AGMAT: variants seen among roughly 807,000 people sequenced by gnomAD.
The protein encoded by AGMAT is guanidino acid hydrolase, mitochondrial.
AGMAT carries 37 observed loss-of-function variants against 29.3 expected under a neutral mutation model. The ratio of observed to expected loss-of-function variants is 1.26; its 90% CI spans 0.97 to 1.66. The LOEUF (loss-of-function observed/expected upper bound fraction) is 1.66, where lower values mean the gene tolerates loss of function less well. Ranked by LOEUF, AGMAT falls within the 40% of genes most tolerant of loss-of-function variation. AGMAT has a pLI of 0.00. For synonymous variants in AGMAT, 199 were observed against 200.8 expected (o/e 0.99, Z 0.08); for missense variants, 498 against 497.8 (o/e 1.00, Z 0.00).
At chr1:15,575,706 G>C (rs1212180467) in intron 5 of AGMAT, 1 of 151,802 alleles carries the variant, frequency 6.6e-6, no homozygotes, top group African/African-American at 2.4e-5. Context: ...TACCTTGGCA[G>C]GTAATTGTGC....
At position 15,583,175 on chromosome 1, in the gene AGMAT, C is replaced by G; in HGVS notation, c.475+18G>C. The G allele has an allele frequency of 6.2e-7, 1 of 1,613,276 alleles. No individual in the cohort carries two copies. The highest frequency in any genetic ancestry group is 8.5e-7 in the Non-Finnish European group (1 of 1,179,620). On this transcript the variant is annotated intron_variant, in intron 2 of 6. Coordinates refer to ENST00000375826, the MANE Select transcript of AGMAT (RefSeq NM_024758.5). Reference sequence around the variant, plus strand: ...CTGAGTGCAGGGAACTACTCTGGCTCTTGCAGACTGACATTACCCAAGGTC... The same window carrying G: ...CTGAGTGCAGGGAACTACTCTGGCTGTTGCAGACTGACATTACCCAAGGTC...
intron 1 of AGMAT, 136 bp from the exon 2 acceptor site, chr1:15,583,531 A>T (rs1239378671): frequency 2.3e-6 from 2 of 851,382 alleles, no homozygotes; most frequent in African/African-American, 1.7e-5. Context: ...AATGCTTAGC[A>T]GCATCCCGGC....
In AGMAT at chr1:15,573,601, T is replaced by C. The variant is rs1638990839; in HGVS notation, c.*50A>G. ...CAGACTGCTTACTCATAAGTTCTTC[T>C]TGAGAACTTGTCAGCGACGCAATCT... On this transcript the variant is annotated 3_prime_UTR_variant, in exon 7 of 7. Coordinates refer to ENST00000375826, the MANE Select transcript of AGMAT (RefSeq NM_024758.5). 1 of 1,553,998 alleles carries C rather than the reference T, an allele frequency of 6.4e-7. No individual in the cohort carries two copies. Among genetic ancestry groups the C allele is most frequent in the Non-Finnish European group, 8.9e-7 (1 of 1,125,480 alleles).
At chr1:15,574,873 T>C in intron 5 of AGMAT, 32 bp from the exon 6 acceptor site, 1 of 1,573,092 alleles carries the variant, frequency 6.4e-7, no homozygotes, top group Non-Finnish European at 8.7e-7. Context: ...TTGTCCACAG[T>C]GGTAATCATT....
Position 15,584,957 on chromosome 1 carries a change from A to C in AGMAT, c.11T>G (p.Leu4Arg), listed in dbSNP as rs569552728. 2.2e-4 allele frequency: 292 copies of C among 1,349,420 alleles called. 1 individual carries two copies. The Middle Eastern group carries it at 4.7e-3, about 22-fold the overall frequency. 83.6% of individuals were successfully genotyped at this position (1,349,420 alleles called of 1,614,324 possible). A position where few individuals can be genotyped will look rare whatever the true frequency, so the allele number is the denominator to read the frequency against. MLR[L>R]LASGCARGPG... ...GCCCCGGGCGCACCCGGACGCCAGC[A>C]GCCTCAGCATTGCCGCGCGCGGCCA... is the stretch of plus-strand genomic sequence containing the variant. The change falls in exon 1 of 7, where the codon CTG becomes CGG. Residue 4 changes from leucine to arginine, a missense_variant. Physicochemically the swap from Leu to Arg is moderately radical, Grantham distance 102 (BLOSUM62 -2). Coordinates refer to ENST00000375826, the MANE Select transcript of AGMAT (RefSeq NM_024758.5).
In AGMAT at chr1:15,584,732, G is replaced by T; in HGVS notation, c.236C>A (p.Pro79His). 7.4e-7 allele frequency: 1 copy of T among 1,346,270 alleles called. No individual in the cohort carries two copies. The allele number at this position is 1,346,270 out of a possible 1,614,324, so 83.4% of individuals were successfully genotyped here. A position where few individuals can be genotyped will look rare whatever the true frequency, so the allele number is the denominator to read the frequency against. ...EGLDAAFIGV[P>H]LDTGTSNRPG... ...CCGGTTGGAGGTCCCAGTATCCAGG[G>T]GCACCCCGATGAAGGCAGCGTCCAG... The change falls in exon 1 of 7, where the codon CCC becomes CAC. Residue 79 changes from proline (P) to histidine (H), a missense_variant. Physicochemically the swap from Pro to His is moderately conservative, Grantham distance 77. Transcript: ENST00000375826.
chr1:15,575,341 AG>A (rs1203156584), intron 5 of AGMAT: 1 of 153,846 alleles, frequency 6.5e-6, no homozygotes, highest in African/African-American at 2.4e-5. Context: ...GCAGGTGAAA[AG>A]CCCAGAAGGT....
In AGMAT at chr1:15,573,848, C is replaced by T. The variant is rs576036990; in HGVS notation, c.986-124G>A. 25 of 748,382 alleles carry T rather than the reference C, an allele frequency of 3.3e-5. No individual in the cohort carries two copies. In the South Asian group the frequency reaches 4.2e-4, roughly 13 times the overall value. 46.4% of individuals were successfully genotyped at this position (748,382 alleles called of 1,614,324 possible). ...CCAGAGCCCTGTCTTGTGCACCCCT[C>T]TAGGGTGCCCGCCAGCTGTGAACAC... On this transcript the variant is annotated intron_variant, in intron 6 of 6. Transcript: ENST00000375826.
intron 5 of AGMAT, chr1:15,575,943 G>T (rs1247587708): frequency 6.6e-6 from 1 of 151,922 alleles, no homozygotes; most frequent in Admixed American, 6.6e-5. Flanking sequence ...TTTTAGTAAA[G>T]ATGGGATCTC....
chr1:15,584,897 C>A lies in AGMAT; in HGVS notation c.71G>T (p.Gly24Val). The A allele has an allele frequency of 7.2e-7, 1 of 1,397,774 alleles. No individual in the cohort carries two copies. The highest frequency in any genetic ancestry group is 9.2e-7 in the Non-Finnish European group (1 of 1,083,798). The allele number at this position is 1,397,774 out of a possible 1,614,324, so 86.6% of individuals were successfully genotyped here. A position where few individuals can be genotyped will look rare whatever the true frequency, so the allele number is the denominator to read the frequency against. The change falls in exon 1 of 7, where the codon GGG becomes GTG. Residue 24 changes from glycine to valine, a missense_variant. By Grantham distance (109) the Gly-to-Val change is moderately radical. Transcript: ENST00000375826. ...GPGVGARPAA[G>V]LFHPGRRQSR... ...CTGGCGGCGCCCCGGATGAAAGAGC[C>A]CTGCGGCAGGACGCGCGCCCACGCC...
chr1:15,582,815 T>C (rs995990960), intron 2 of AGMAT, among the ~76,000 whole-genome samples: 1 of 152,146 alleles, frequency 6.6e-6, no homozygotes, highest in Non-Finnish European at 1.5e-5. Context: ...CTGGCCAACA[T>C]GGCAAAACCC....
rs561432690 is a variant in AGMAT, at chr1:15,576,584, C to T, written c.900+1101G>A. On this transcript the variant is annotated intron_variant, in intron 5 of 6. Transcript: ENST00000375826. ...AGCTGGGATTACAGACGCCTGCCAC[C>T]GTGCCGGGCTGATTTTTGTACTTTT... Among the ~76,000 whole-genome samples the T allele has an allele frequency of 3.3e-5, 5 of 151,610 alleles. No homozygotes were observed. The South Asian group carries it at 6.2e-4, about 19-fold the overall frequency.
rs575735368 is a variant in AGMAT at position 15,576,820 on chromosome 1, G to A, written c.900+865C>T. ...GCCAGACTGCAGTGGTTCTATCTCGGCTCACTGCAAGCTCTGCCTCCCGGG... is the reference window on the plus strand; with the variant it reads ...GCCAGACTGCAGTGGTTCTATCTCGACTCACTGCAAGCTCTGCCTCCCGGG... On this transcript the variant is annotated intron_variant, in intron 5 of 6. Coordinates refer to ENST00000375826, the MANE Select transcript of AGMAT (RefSeq NM_024758.5). Among the ~76,000 whole-genome samples, 987 of 135,810 alleles carry A rather than the reference G, an allele frequency of 7.3e-3. 5 individuals carry two copies. Among genetic ancestry groups the A allele is most frequent in the Non-Finnish European group, 0.012 (782 of 65,562 alleles). The allele number at this position is 135,810 out of a possible 152,430, so 89.1% of individuals were successfully genotyped here.
In AGMAT at chr1:15,577,829, C is replaced by T. The variant is rs1263607719; in HGVS notation, c.756G>A (p.Met252Ile). The change falls in exon 5 of 7, where the codon ATG (methionine) becomes ATA (isoleucine). Residue 252 changes from methionine (M) to isoleucine (I), a missense_variant. By Grantham distance (10) the Met-to-Ile change is conservative (BLOSUM62 1). Transcript: ENST00000375826. ...CCCCCATCAGAGGAACCAGCGACTT[C>T]ATCCAGCAGTCTTCAGCCAGGACTA... Reference protein sequence around the residue: ...FRVVLAEDCWMKSLVPLMGEV... With the variant: ...FRVVLAEDCWIKSLVPLMGEV... The T allele has an allele frequency of 1.2e-6, 2 of 1,614,216 alleles. No homozygotes were observed. Among genetic ancestry groups the T allele is most frequent in the Non-Finnish European group, 1.7e-6 (2 of 1,180,036 alleles).
rs1244453984 is a variant in AGMAT at position 15,573,671 on chromosome 1, G to A, written c.1039C>T (p.Pro347Ser). ...NLLFEMLCAL[P>S]KVTTV is the part of the protein sequence containing the mutation. ...AAGACTCAGACGGTTGTCACTTTGG[G>A]GAGAGCACATAGCATCTCAAACAGC... Residue 347 changes from proline (P) to serine (S), a missense_variant, in exon 7 of 7, where the codon CCC (proline) becomes TCC (serine). Coordinates refer to ENST00000375826, the MANE Select transcript of AGMAT (RefSeq NM_024758.5). 1.9e-6 allele frequency: 3 copies of A among 1,614,060 alleles called. No individual in the cohort carries two copies. The highest frequency in any genetic ancestry group is 2.5e-6 in the Non-Finnish European group (3 of 1,180,024).
chr1:15,581,212 G>T (rs1220972280), intron 2 of AGMAT, among the ~76,000 whole-genome samples: 1 of 152,048 alleles, frequency 6.6e-6, no homozygotes, highest in Non-Finnish European at 1.5e-5. Flanking sequence ...GCTGGGCATG[G>T]TGACAAACGC....
At chr1:15,584,517 T>C (rs1639158148) in intron 1 of AGMAT, among the ~76,000 whole-genome samples, 179 bp downstream of exon 1, 1 of 152,032 alleles carries the variant, frequency 6.6e-6, no homozygotes, top group African/African-American at 2.4e-5. Flanking sequence ...CCCTGGGGTT[T>C]GCTTATTGAG....
intron 6 of AGMAT, 114 bp from the exon 7 acceptor site, chr1:15,573,838 G>A (rs1403065296): frequency 1.7e-5 from 15 of 907,550 alleles, no homozygotes; most frequent in Non-Finnish European, 2.3e-5. Flanking sequence ...GCCCTGTCTT[G>A]TGCACCCCTC....
chr1:15,580,473 A>G (rs551925577), intron 2 of AGMAT, among the ~76,000 whole-genome samples: 1 of 151,720 alleles, frequency 6.6e-6, no homozygotes, highest in African/African-American at 2.4e-5. Context: ...CCAAAGTGCT[A>G]GGATTACAGG....
Sources: gnomAD v4.1 joint callset for allele counts (sites outside exome capture counted in the v4.1 genomes callset) on GRCh38, gnomAD v4.1.1 for gene constraint, MANE v1.5 for transcripts, NCBI Gene and HGNC (gene_info 2026-07-23, HGNC 2026-07-21) for gene names.